NEMP2: variants seen among roughly 807,000 people sequenced by gnomAD.
NEMP2 encodes the protein nuclear envelope integral membrane protein 2, also known as UPF0571 transmembrane protein.
NEMP2 carries 53 observed loss-of-function variants against 54.2 expected under a neutral mutation model. That is an observed-to-expected ratio of 0.98 (90% CI 0.78 to 1.23). The LOEUF (loss-of-function observed/expected upper bound fraction) is 1.23, where lower values mean the gene tolerates loss of function less well. Among genes scored for constraint, NEMP2 ranks in the 50% most tolerant of loss-of-function variants. The pLI, the probability that NEMP2 is intolerant of heterozygous loss-of-function variation, is 0.00. For synonymous variants in NEMP2, 197 were observed against 190.3 expected (o/e 1.04, Z -0.29); for missense variants, 455 against 511.3 (o/e 0.89, Z 1.06).
chr2:190,511,636 T>C (rs1022089147), intron 7 of NEMP2, among the ~76,000 whole-genome samples: 15 of 149,812 alleles, frequency 1.0e-4, no homozygotes, highest in Non-Finnish European at 1.5e-4. Context: ...CTCACTGCAA[T>C]GTCCACCTCT....
the NEMP2 span, among the ~76,000 whole-genome samples, chr2:190,576,439 G>A: frequency 5.9e-5 from 9 of 152,272 alleles, no homozygotes; most frequent in East Asian, 1.5e-3. Context: ...GAGTACTTAA[G>A]CTAATAAATG....
chr2:190,520,512 A>C lies in NEMP2; in HGVS notation c.214-1329T>G, dbSNP rs1690718331. ...TGAATCTCAGGCATCAGGTAATATC[A>C]CTCACTATCTATCTACCAACCCCTG... On this transcript the variant is annotated intron_variant, in intron 2 of 8. Transcript: ENST00000409150. The surrounding 1 kb of genome is among the most constrained non-coding windows in gnomAD (Gnocchi z 5.4). 6.6e-6 allele frequency among the ~76,000 whole-genome samples: 1 copy of C among 151,978 alleles called. No individual in the cohort carries two copies. The highest frequency in any genetic ancestry group is 1.5e-5 in the Non-Finnish European group (1 of 67,984).
At chr2:190,596,468 A>C in the NEMP2 span, among the ~76,000 whole-genome samples, 1 of 152,212 alleles carries the variant, frequency 6.6e-6, no homozygotes, top group South Asian at 2.1e-4. This position sits in a 1 kb window ranked among gnomAD's most constrained non-coding sequence, Gnocchi z 5.1. Context: ...GCACAGAATA[A>C]GGTTTGCATG....
At chr2:190,454,218 G>A in the NEMP2 span, 1 of 152,144 alleles carries the variant, frequency 6.6e-6, no homozygotes, top group Non-Finnish European at 1.5e-5. This position sits in a 1 kb window ranked among gnomAD's most constrained non-coding sequence, Gnocchi z 4.6. Flanking sequence ...TTAACTCCTT[G>A]TGGTCCTGGG....
chr2:190,584,051 AAATGTGCTTCCC>A, the NEMP2 span, among the ~76,000 whole-genome samples: 3 of 152,146 alleles, frequency 2.0e-5, no homozygotes, highest in Admixed American at 1.3e-4. This position sits in a 1 kb window ranked among gnomAD's most constrained non-coding sequence, Gnocchi z 4.2. Context: ...AGTAGTACAA[AAATGTGCTTCCC>A]CTCTGTTATT....
chr2:190,565,955 T>C, the NEMP2 span, among the ~76,000 whole-genome samples: 1 of 152,172 alleles, frequency 6.6e-6, no homozygotes, highest in Admixed American at 6.5e-5. Context: ...ATCTGTGGCA[T>C]TTTGTTATGG....
At chr2:190,490,055 T>A in the NEMP2 span, among the ~76,000 whole-genome samples, 1 of 151,910 alleles carries the variant, frequency 6.6e-6, no homozygotes, top group Non-Finnish European at 1.5e-5. This position sits in a 1 kb window ranked among gnomAD's most constrained non-coding sequence, Gnocchi z 4.5. Context: ...AGAAAAAATA[T>A]TGTTTTAAGT....
At chr2:190,517,391 C>T in intron 5 of NEMP2, 129 bp downstream of exon 5, 3 of 628,758 alleles carry the variant, frequency 4.8e-6, no homozygotes, top group Non-Finnish European at 8.0e-6. Context: ...CATTTTAGAG[C>T]CAGTTTACAT....
intron 7 of NEMP2, among the ~76,000 whole-genome samples, chr2:190,511,553 ATTT>A (rs72470733): frequency 0.14 from 18,505 of 133,370 alleles, 1,108 homozygotes; most frequent in Middle Eastern, 0.22. Context: ...ATTAAATTTA[ATTT>A]TTTTTTTTTT....
the NEMP2 span, among the ~76,000 whole-genome samples, chr2:190,598,160 C>T: frequency 1.3e-5 from 2 of 152,246 alleles, no homozygotes; most frequent in South Asian, 4.2e-4. Context: ...CAAACAAAAA[C>T]ATTTCCAGAC....
chr2:190,556,233 G>A, the NEMP2 span, among the ~76,000 whole-genome samples: 1 of 152,156 alleles, frequency 6.6e-6, no homozygotes, highest in African/African-American at 2.4e-5. Context: ...AAAACCACAT[G>A]ATTATCTCAA....
rs764081214 is a variant in NEMP2 at position 190,525,336 on chromosome 2, G to A, written c.140C>T (p.Thr47Met). ...KALKEKDLIRTSESDCYCYNQ... is the reference protein window; with the variant it reads ...KALKEKDLIRMSESDCYCYNQ... Reference sequence around the variant, plus strand: ...GTAGCAGTAACAGTCTGACTCAGACGTTCTAATTAAATCTTTTTCCTTCAA... The same window carrying A: ...GTAGCAGTAACAGTCTGACTCAGACATTCTAATTAAATCTTTTTCCTTCAA... Residue 47 changes from threonine to methionine, a missense_variant, in exon 2 of 9, where the codon ACG (threonine) becomes ATG (methionine). By Grantham distance (81) the Thr-to-Met change is moderately conservative. Around this residue, in one of 3 missense-constraint regions of NEMP2, gnomAD observed 100 missense variants for 80.2 expected, o/e 1.25. Coordinates refer to ENST00000409150, the MANE Select transcript of NEMP2 (RefSeq NM_001142645.2). The surrounding 1 kb of genome is among the most constrained non-coding windows in gnomAD (Gnocchi z 5.0). 9.0e-6 allele frequency: 14 copies of A among 1,549,832 alleles called. No homozygotes were observed. Among genetic ancestry groups the A allele is most frequent in the South Asian group, 4.8e-5 (4 of 83,840 alleles).
At chr2:190,643,725 G>A in the NEMP2 span, among the ~76,000 whole-genome samples, 6 of 152,106 alleles carry the variant, frequency 3.9e-5, no homozygotes, top group South Asian at 8.3e-4. Context: ...CCAGGAGTTC[G>A]AGACCAGTCT....
chr2:190,431,854 T>G, the NEMP2 span, among the ~76,000 whole-genome samples: 1 of 152,238 alleles, frequency 6.6e-6, no homozygotes, highest in Non-Finnish European at 1.5e-5. The surrounding 1 kb of genome is among the most constrained non-coding windows in gnomAD (Gnocchi z 4.4). Context: ...ATTCCAGAGC[T>G]TTTTATTCAA....
At chr2:190,493,720 C>A in the NEMP2 span, among the ~76,000 whole-genome samples, 180 of 152,214 alleles carry the variant, frequency 1.2e-3, 1 homozygote, top group African/African-American at 4.3e-3. Context: ...CCAAAAGGAA[C>A]CTTCAAAACC....
the NEMP2 span, among the ~76,000 whole-genome samples, chr2:190,472,888 T>C: frequency 1.3e-5 from 2 of 152,222 alleles, no homozygotes; most frequent in South Asian, 2.1e-4. Context: ...AGGTGATCTC[T>C]GGGCAGAAAC....
the NEMP2 span, among the ~76,000 whole-genome samples, chr2:190,644,587 C>T: frequency 0.5 from 75,427 of 152,056 alleles, 18,924 homozygotes; most frequent in South Asian, 0.64. This position sits in a 1 kb window ranked among gnomAD's most constrained non-coding sequence, Gnocchi z 4.4. Flanking sequence ...TCATGTCTTT[C>T]GTGGGAACGT....
At chr2:190,575,648 A>G in the NEMP2 span, among the ~76,000 whole-genome samples, 1 of 152,214 alleles carries the variant, frequency 6.6e-6, no homozygotes, top group Non-Finnish European at 1.5e-5. Context: ...TGAGGTCAGG[A>G]GTTCAAGACC....
the NEMP2 span, chr2:190,436,588 T>C: frequency 6.2e-7 from 1 of 1,614,212 alleles, no homozygotes; most frequent in Non-Finnish European, 8.5e-7. This position sits in a 1 kb window ranked among gnomAD's most constrained non-coding sequence, Gnocchi z 5.3. Context: ...TTCCTTTACC[T>C]CTTTCCTCAC....
Sources: gnomAD v4.1 joint callset for allele counts (sites outside exome capture counted in the v4.1 genomes callset) on GRCh38, gnomAD v4.1.1 for gene constraint, gnomAD v4.1.1 regional missense constraint, Gnocchi (gnomAD v3.1) non-coding constraint, MANE v1.5 for transcripts, NCBI Gene and HGNC (gene_info 2026-07-23, HGNC 2026-07-21) for gene names.